Variants in KDM4A observed in about 807,000 individuals in gnomAD.
KDM4A encodes the protein lysine-specific demethylase 4A.
Under a neutral mutation model 127.1 loss-of-function variants are expected in KDM4A, and 23 were observed. The observed-to-expected ratio is 0.18, with a 90% CI of 0.13 to 0.26. The LOEUF is 0.26. Ranked by LOEUF, KDM4A falls within the 10% of genes least tolerant of loss-of-function variation. The pLI is 1.00. For synonymous variants in KDM4A, 443 were observed against 466.5 expected (o/e 0.95, Z 0.65); for missense variants, 890 against 1,329.1 (o/e 0.67, Z 5.14).
intron 19 of KDM4A, among the ~76,000 whole-genome samples, chr1:43,698,374 G>A (rs964385639): frequency 2.0e-5 from 3 of 152,194 alleles, no homozygotes; most frequent in African/African-American, 7.2e-5. Flanking sequence ...GTGATTTTAG[G>A]GGAATTATCC....
At chr1:43,655,821 C>T (rs550715197) in intron 3 of KDM4A, 55 bp downstream of exon 3, 1 of 1,448,016 alleles carries the variant, frequency 6.9e-7, no homozygotes, top group East Asian at 2.3e-5. Flanking sequence ...GGTGTCTCAT[C>T]CTCCTAGCAT....
intron 11 of KDM4A, among the ~76,000 whole-genome samples, chr1:43,678,716 T>C (rs1290420983): frequency 3.9e-5 from 6 of 152,040 alleles, no homozygotes; most frequent in Non-Finnish European, 8.8e-5. Flanking sequence ...GCCTCTCAAG[T>C]AGTTGGGACT....
In KDM4A at chr1:43,691,616, T is replaced by A. The variant is rs201674755; in HGVS notation, c.2319+44T>A. ...TTACTGTCTTCACCATGAGTCTTGG[T>A]GCATATTCAGGGCCAGACGATTTCA... On this transcript the variant is annotated intron_variant, in intron 15 of 21. Transcript: ENST00000372396. 9.7e-3 allele frequency: 15,112 copies of A among 1,550,368 alleles called. 99 individuals carry two copies. Among genetic ancestry groups the A allele is most frequent in the Non-Finnish European group, 0.012 (13,048 of 1,121,962 alleles).
Position 43,704,198 on chromosome 1 carries a change from A to G in KDM4A, c.3055-32A>G, listed in dbSNP as rs779550822. 20 of 1,613,784 alleles carry G rather than the reference A, an allele frequency of 1.2e-5. No homozygotes were observed. The South Asian group carries it at 2.1e-4, about 17-fold the overall frequency. On this transcript the variant is annotated intron_variant, in intron 21 of 21. Transcript: ENST00000372396. ...CATCCCTTTGTATTGTTCCTGGGGT[A>G]GCTGACACTTGGCTTGCTTATTCTT...
At chr1:43,692,018 A>T (rs1181365699) in intron 15 of KDM4A, among the ~76,000 whole-genome samples, 1 of 152,230 alleles carries the variant, frequency 6.6e-6, no homozygotes, top group Non-Finnish European at 1.5e-5. Flanking sequence ...AGTTGTTATT[A>T]GCAGCAACAA....
chr1:43,703,828 GAACT>G, intron 20 of KDM4A, 92 bp downstream of exon 20: 2 of 1,536,394 alleles, frequency 1.3e-6, no homozygotes, highest in Non-Finnish European at 1.8e-6. Context: ...GCTCTTAGGA[GAACT>G]AATAGGTTGG....
rs895658545 is a variant in KDM4A, at chr1:43,703,653, G to A, written c.2878G>A (p.Gly960Arg). 1 of 1,614,086 alleles carries A rather than the reference G, an allele frequency of 6.2e-7. No homozygotes were observed. Residue 960 changes from glycine to arginine, a missense_variant, in exon 20 of 22, where the codon GGG becomes AGG. Gly to Arg is a moderately radical substitution (Grantham distance 125, BLOSUM62 -2). Around this residue, in one of 7 missense-constraint regions of KDM4A, gnomAD observed 246 missense variants for 418.4 expected, o/e 0.59. Transcript: ENST00000372396. ...DCLQFGPPAEGEVVQVRWTDG... is the reference protein window; with the variant it reads ...DCLQFGPPAEREVVQVRWTDG... ...TCTCCAGTTTGGTCCTCCTGCTGAA[G>A]GGGAAGTGGTCCAAGTGAGATGGAC...
chr1:43,681,093 G>T (rs551629237), intron 11 of KDM4A, among the ~76,000 whole-genome samples: 2 of 152,100 alleles, frequency 1.3e-5, no homozygotes, highest in East Asian at 3.9e-4. Context: ...AATACTCCAC[G>T]ACGTATTCAC....
chr1:43,656,615 G>C (rs551154369), intron 3 of KDM4A, among the ~76,000 whole-genome samples: 1 of 152,032 alleles, frequency 6.6e-6, no homozygotes. Flanking sequence ...TGGGATTACA[G>C]GCAAGAGCCA....
intron 11 of KDM4A, among the ~76,000 whole-genome samples, chr1:43,672,540 G>T (rs556110128): frequency 1.7e-4 from 25 of 149,024 alleles, no homozygotes; most frequent in Non-Finnish European, 3.0e-4. Flanking sequence ...TGTTGCCCAG[G>T]CTGGAGTGCA....
At position 43,669,085 on chromosome 1, in the gene KDM4A, C is replaced by T. The variant is rs1398712701; in HGVS notation, c.1164-15C>T. 6.2e-7 allele frequency: 1 copy of T among 1,613,918 alleles called. No individual in the cohort carries two copies. Among genetic ancestry groups the T allele is most frequent in the South Asian group, 1.1e-5 (1 of 91,068 alleles). ...TATATGTGGGCTCTTAAAAGATTTG[C>T]CCTCTCCCTTGCAGCCTGGCCAAGC... On this transcript the variant is annotated splice_polypyrimidine_tract_variant and intron_variant, in intron 9 of 21. Transcript: ENST00000372396.
chr1:43,704,094 G>A lies in KDM4A; in HGVS notation c.3036G>A (p.Lys1012=), dbSNP rs1395976254. The A allele has an allele frequency of 1.2e-6, 2 of 1,614,144 alleles. No homozygotes were observed. Among genetic ancestry groups the A allele is most frequent in the South Asian group, 2.2e-5 (2 of 91,066 alleles). ...DVYTLDEELP[K]RVKSRLSVAS... ...ACACACTGGATGAAGAGCTTCCCAA[G>A]AGAGTCAAATCTAGACTGGTGAGTA... Residue 1012 remains lysine, a synonymous_variant, in exon 21 of 22, where the codon AAG becomes AAA. Transcript: ENST00000372396.
At chr1:43,697,031 G>A (rs1661256473) in intron 18 of KDM4A, among the ~76,000 whole-genome samples, 1 of 152,232 alleles carries the variant, frequency 6.6e-6, no homozygotes, top group Non-Finnish European at 1.5e-5. Context: ...TCAGATAAGG[G>A]GAATGGAAGA....
At chr1:43,695,432 C>T (rs1394465969) in intron 18 of KDM4A, among the ~76,000 whole-genome samples, 4 of 152,324 alleles carry the variant, frequency 2.6e-5, no homozygotes, top group Admixed American at 2.0e-4. Context: ...TATGCAGAGA[C>T]TGTTGTGTGC....
intron 3 of KDM4A, among the ~76,000 whole-genome samples, chr1:43,657,098 G>T (rs906435251): frequency 4.6e-5 from 7 of 151,862 alleles, no homozygotes; most frequent in African/African-American, 1.7e-4. Flanking sequence ...TTGCTGCCCA[G>T]TTTGGTCTTG....
chr1:43,684,537 A>G (rs768937565), intron 12 of KDM4A, among the ~76,000 whole-genome samples: 1 of 152,090 alleles, frequency 6.6e-6, no homozygotes, highest in Non-Finnish European at 1.5e-5. Context: ...TCTGGGGCAG[A>G]AGGACAGCAT....
intron 11 of KDM4A, among the ~76,000 whole-genome samples, chr1:43,679,209 G>A (rs1660804554): frequency 6.6e-6 from 1 of 152,276 alleles, no homozygotes; most frequent in South Asian, 2.1e-4. Flanking sequence ...CCATAGGCTG[G>A]TGAAGAATAT....
chr1:43,669,236 C>T lies in KDM4A; in HGVS notation c.1300C>T (p.Leu434Phe), dbSNP rs765671179. The change falls in exon 10 of 22, where the codon CTC becomes TTC. Residue 434 changes from leucine (L) to phenylalanine (F), a missense_variant. Physicochemically the swap from Leu to Phe is conservative, Grantham distance 22. This residue lies in a region of KDM4A where 389 missense variants were observed against 485.9 expected (regional missense o/e 0.80). Coordinates refer to ENST00000372396, the MANE Select transcript of KDM4A (RefSeq NM_014663.3). ...QYEMTECPAA[L>F]APVRPTHSSV... ...TGAGATGACGGAGTGCCCGGCAGCC[C>T]TCGCCCCTGTGAGGCCCACCCATAG... is the stretch of plus-strand genomic sequence containing the variant. 1 of 1,614,156 alleles carries T rather than the reference C, an allele frequency of 6.2e-7. No homozygotes were observed. Among genetic ancestry groups the T allele is most frequent in the Non-Finnish European group, 8.5e-7 (1 of 1,180,038 alleles).
intron 2 of KDM4A, among the ~76,000 whole-genome samples, chr1:43,654,784 TAA>T (rs529929496): frequency 3.5e-5 from 5 of 140,872 alleles, no homozygotes; most frequent in Admixed American, 7.2e-5. Flanking sequence ...ACTCTCTAAT[TAA>T]AAAAAAAAAA....
Sources: allele counts gnomAD v4.1 joint callset (sites outside exome capture counted in the v4.1 genomes callset), GRCh38; gene constraint gnomAD v4.1.1; regional missense constraint gnomAD v4.1.1; transcripts MANE v1.5; gene names NCBI Gene and HGNC (gene_info 2026-07-23, HGNC 2026-07-21).